PCDHA11: variants seen among roughly 807,000 people sequenced by gnomAD.
The protein encoded by PCDHA11 is protocadherin alpha-11.
In PCDHA11, 61 loss-of-function variants were observed where a neutral mutation model predicts 70.3. The observed-to-expected ratio is 0.87, with a 90% CI of 0.71 to 1.07. The LOEUF (loss-of-function observed/expected upper bound fraction) is 1.07, where lower values mean the gene tolerates loss of function less well. PCDHA11 is among the 50% of genes least tolerant of loss of function. The pLI, the probability that PCDHA11 is intolerant of heterozygous loss-of-function variation, is 0.00. For synonymous variants in PCDHA11, 633 were observed against 555.1 expected (o/e 1.14, Z -1.97); for missense variants, 1,324 against 1,237.5 (o/e 1.07, Z -1.05).
chr5:140,876,728 C>G (rs200398819), intron 1 of PCDHA11: 4 of 1,614,244 alleles, frequency 2.5e-6, no homozygotes, highest in African/African-American at 2.7e-5. Flanking sequence ...GAGAGCGTGT[C>G]GGCCTATGAG....
At chr5:140,872,610 T>C (rs1270918795) in intron 1 of PCDHA11, among the ~76,000 whole-genome samples, 2 of 152,146 alleles carry the variant, frequency 1.3e-5, no homozygotes, top group Non-Finnish European at 2.9e-5. Context: ...AAAATAATTT[T>C]TTTTGCCTGT....
intron 3 of PCDHA11, among the ~76,000 whole-genome samples, chr5:141,002,678 C>T (rs1361402849): frequency 6.6e-6 from 1 of 152,136 alleles, no homozygotes; most frequent in Non-Finnish European, 1.5e-5. Context: ...AAAACCTATA[C>T]GACGTGCAGA....
chr5:140,994,314 C>T (rs936811729), intron 3 of PCDHA11, among the ~76,000 whole-genome samples: 4 of 152,192 alleles, frequency 2.6e-5, no homozygotes, highest in African/African-American at 9.6e-5. Flanking sequence ...AGGGCCCAAA[C>T]ACTCTCAGCA....
rs189730532 is a variant in PCDHA11, at chr5:140,870,328, G to T, written c.1225G>T (p.Asp409Tyr). 1.5e-5 allele frequency: 24 copies of T among 1,614,208 alleles called. 2 individuals carry two copies. In the East Asian group the frequency reaches 4.7e-4, roughly 31 times the overall value. ...TFKNYYSLVLDSALDRENVWA... is the reference protein window; with the variant it reads ...TFKNYYSLVLYSALDRENVWA... Reference sequence around the variant, plus strand: ...CAAGAATTACTACTCGTTGGTGCTGGACAGCGCCCTGGACCGCGAGAACGT... The same window carrying T: ...CAAGAATTACTACTCGTTGGTGCTGTACAGCGCCCTGGACCGCGAGAACGT... The change falls in exon 1 of 4, where the codon GAC becomes TAC. Residue 409 changes from aspartate to tyrosine, a missense_variant. Transcript: ENST00000398640.
In PCDHA11 at chr5:141,010,916, A is replaced by G. The variant is rs1554263193; in HGVS notation, c.*979A>G. The G allele has an allele frequency of 6.5e-6, 1 of 153,780 alleles. No individual in the cohort carries two copies. The highest frequency in any genetic ancestry group is 2.4e-5 in the African/African-American group (1 of 41,454). 9.5% of individuals were successfully genotyped at this position (153,780 alleles called of 1,614,324 possible). On this transcript the variant is annotated 3_prime_UTR_variant, in exon 4 of 4. Transcript: ENST00000398640. ...ATACAATTCCCCTAAACTCTCCTCAAAAGAGAATTCAGTCTACAGCCATTT... is the reference window on the plus strand; with the variant it reads ...ATACAATTCCCCTAAACTCTCCTCAGAAGAGAATTCAGTCTACAGCCATTT...
At chr5:140,905,351 TTGACTA>T (rs2071764307) in intron 1 of PCDHA11, among the ~76,000 whole-genome samples, 1 of 152,208 alleles carries the variant, frequency 6.6e-6, no homozygotes, top group Non-Finnish European at 1.5e-5. Context: ...CTGTAAGTAT[TTGACTA>T]TATTTCTGGT....
intron 3 of PCDHA11, among the ~76,000 whole-genome samples, chr5:141,008,072 T>C (rs1419103459): frequency 2.0e-5 from 3 of 152,272 alleles, no homozygotes; most frequent in Admixed American, 6.5e-5. Context: ...TAAGAACTTA[T>C]TGGGGTTATT....
intron 3 of PCDHA11, among the ~76,000 whole-genome samples, chr5:141,003,622 A>G (rs1554259173): frequency 6.6e-6 from 1 of 152,196 alleles, no homozygotes; most frequent in Non-Finnish European, 1.5e-5. Context: ...CCCAGAGGGC[A>G]GTTTTTAAAG....
At chr5:140,989,940 G>A (rs947716591) in intron 3 of PCDHA11, among the ~76,000 whole-genome samples, 9 of 152,062 alleles carry the variant, frequency 5.9e-5, no homozygotes, top group Admixed American at 1.3e-4. Flanking sequence ...GACATTCCAC[G>A]TTTTTCTCGG....
At chr5:140,928,160 C>G (rs782224079) in intron 1 of PCDHA11, 1 of 1,614,096 alleles carries the variant, frequency 6.2e-7, no homozygotes, top group Non-Finnish European at 8.5e-7. Flanking sequence ...AGTGGCTCAC[C>G]CCCACTTAGC....
intron 1 of PCDHA11, among the ~76,000 whole-genome samples, chr5:140,910,502 G>C (rs182167004): frequency 2.6e-4 from 39 of 152,266 alleles, no homozygotes. Flanking sequence ...CAATCACAAA[G>C]CTCTTCAAGG....
At chr5:140,913,797 A>T (rs546197577) in intron 1 of PCDHA11, among the ~76,000 whole-genome samples, 1 of 152,210 alleles carries the variant, frequency 6.6e-6, no homozygotes, top group Admixed American at 6.5e-5. Context: ...ATTTGTTTGA[A>T]TCAAATTTTC....
intron 1 of PCDHA11, among the ~76,000 whole-genome samples, chr5:140,892,759 T>C (rs1422670120): frequency 2.0e-5 from 3 of 152,206 alleles, no homozygotes; most frequent in African/African-American, 4.8e-5. Context: ...ACATTTAAAA[T>C]CCACTCTTCT....
At chr5:140,962,665 C>G (rs1457197885) in intron 1 of PCDHA11, among the ~76,000 whole-genome samples, 1 of 152,146 alleles carries the variant, frequency 6.6e-6, no homozygotes, top group African/African-American at 2.4e-5. Context: ...TTTTCATCTT[C>G]CCATCCACTG....
At chr5:140,949,336 A>G (rs1585327315) in intron 1 of PCDHA11, among the ~76,000 whole-genome samples, 1 of 151,920 alleles carries the variant, frequency 6.6e-6, no homozygotes, top group South Asian at 2.1e-4. Context: ...ATTGTTATCC[A>G]GATTTTCTGT....
At chr5:140,959,548 A>G (rs1554224134) in intron 1 of PCDHA11, among the ~76,000 whole-genome samples, 2 of 152,194 alleles carry the variant, frequency 1.3e-5, no homozygotes, top group Non-Finnish European at 2.9e-5. Flanking sequence ...ATGCTGTATA[A>G]ATAGAATCAG....
In PCDHA11 at chr5:140,870,692, T is replaced by C. The variant is rs1321391908; in HGVS notation, c.1589T>C (p.Leu530Pro). ...TTGGACCACGAGGAGCTGGAGCTGCTACAGTTCCAGGTGAGCGCGCGCGAT... is the reference window on the plus strand; with the variant it reads ...TTGGACCACGAGGAGCTGGAGCTGCCACAGTTCCAGGTGAGCGCGCGCGAT... ...QPLDHEELEL[L>P]QFQVSARDAG... Residue 530 changes from leucine (L) to proline (P), a missense_variant, in exon 1 of 4, where the codon CTA becomes CCA. Transcript: ENST00000398640. 2 of 1,612,828 alleles carry C rather than the reference T, an allele frequency of 1.2e-6. No individual in the cohort carries two copies. The highest frequency in any genetic ancestry group is 1.3e-5 in the African/African-American group (1 of 74,900).
Position 140,939,111 on chromosome 5 carries a change from T to G in PCDHA11, c.2392-39838T>G, listed in dbSNP as rs141486595. Reference sequence around the variant, plus strand: ...CTTAAAAACAATAGAAATTTATTTTTCACAATTCTGGAAGCTGGAAAGTTG... The same window carrying G: ...CTTAAAAACAATAGAAATTTATTTTGCACAATTCTGGAAGCTGGAAAGTTG... On this transcript the variant is annotated intron_variant, in intron 1 of 3. Coordinates refer to ENST00000398640, the MANE Select transcript of PCDHA11 (RefSeq NM_018902.5). Among the ~76,000 whole-genome samples, 62 of 152,324 alleles carry G rather than the reference T, an allele frequency of 4.1e-4. No homozygotes were observed. The East Asian group carries it at 0.01, about 25-fold the overall frequency.
At chr5:140,923,287 A>G (rs1554201330) in intron 1 of PCDHA11, among the ~76,000 whole-genome samples, 1 of 152,224 alleles carries the variant, frequency 6.6e-6, no homozygotes, top group Non-Finnish European at 1.5e-5. Context: ...AAAAATTAAA[A>G]ATTAGCTGGG....
Sources: gnomAD v4.1 joint callset for allele counts (sites outside exome capture counted in the v4.1 genomes callset) on GRCh38, gnomAD v4.1.1 for gene constraint, MANE v1.5 for transcripts, NCBI Gene and HGNC (gene_info 2026-07-23, HGNC 2026-07-21) for gene names.